Variants in DST observed in about 807,000 individuals in gnomAD.
The protein encoded by DST is dystonin.
In DST, 253 loss-of-function variants were observed where a neutral mutation model predicts 875.2. That is an observed-to-expected ratio of 0.29 (90% CI 0.26 to 0.32). The LOEUF is 0.32. DST is among the 10% of genes least tolerant of loss of function. DST has a pLI of 1.00. For synonymous variants in DST, 3,124 were observed against 3,197.1 expected (o/e 0.98, Z 0.77); for missense variants, 8,287 against 9,111.6 (o/e 0.91, Z 3.68).
chr6:56,476,183 A>G lies in DST; in HGVS notation c.21830T>C (p.Ile7277Thr), dbSNP rs2152409234. 1.9e-6 allele frequency: 3 copies of G among 1,612,276 alleles called. No individual in the cohort carries two copies. The highest frequency in any genetic ancestry group is 2.5e-6 in the Non-Finnish European group (3 of 1,179,210). ...TGCAATGAGTGCTTTCACCTCTTCG[A>G]TCTCCTGGGGGATGACTTCTTTATC... ...DKDKEVIPQE[I>T]EEVKALIAEH... is the part of the protein sequence containing the mutation. The change falls in exon 92 of 104, where the codon ATC (isoleucine) becomes ACC (threonine). Residue 7277 changes from isoleucine to threonine, a missense_variant. Ile to Thr is a moderately conservative substitution (Grantham distance 89, BLOSUM62 -1). Coordinates refer to ENST00000680361, the MANE Select transcript of DST (RefSeq NM_001374736.1).
chr6:56,737,520 T>C (rs78918164), intron 4 of DST, among the ~76,000 whole-genome samples: 1,859 of 152,354 alleles, frequency 0.012, 124 homozygotes, highest in Admixed American at 0.11. Flanking sequence ...CTAGTCACAA[T>C]TTAAGTGCTT....
intron 4 of DST, among the ~76,000 whole-genome samples, chr6:56,760,174 A>G (rs1409054970): frequency 2.0e-5 from 3 of 152,238 alleles, no homozygotes; most frequent in Non-Finnish European, 4.4e-5. Context: ...TCTAACTTTG[A>G]AATATGTACC....
intron 86 of DST, among the ~76,000 whole-genome samples, chr6:56,489,051 A>T (rs2095655683): frequency 6.6e-6 from 1 of 152,124 alleles, no homozygotes; most frequent in Non-Finnish European, 1.5e-5. Context: ...CAAGCATCCA[A>T]TTTTTCTCAC....
At chr6:56,481,617 A>T (rs1483678071) in intron 90 of DST, among the ~76,000 whole-genome samples, 1 of 152,220 alleles carries the variant, frequency 6.6e-6, no homozygotes, top group Non-Finnish European at 1.5e-5. Flanking sequence ...TTATTAAATT[A>T]CCTGTGTGTC....
chr6:56,887,351 T>G (rs1339422216), intron 3 of DST, among the ~76,000 whole-genome samples: 1 of 152,182 alleles, frequency 6.6e-6, no homozygotes, highest in Non-Finnish European at 1.5e-5. Context: ...GGCATGGGAT[T>G]TAGGGCAAAG....
intron 3 of DST, among the ~76,000 whole-genome samples, chr6:56,868,908 C>A (rs564765651): frequency 6.6e-6 from 1 of 152,274 alleles, no homozygotes; most frequent in Admixed American, 6.5e-5. Context: ...GAATTCTACC[C>A]TCTGTGGGAA....
chr6:56,562,097 CA>C (rs1479383937), intron 56 of DST, 40 bp downstream of exon 56: 2 of 1,292,958 alleles, frequency 1.5e-6, no homozygotes, highest in East Asian at 5.3e-5. Context: ...AAAAAAACAT[CA>C]AATTACATTA....
intron 85 of DST, among the ~76,000 whole-genome samples, chr6:56,490,687 G>A (rs1338777781): frequency 6.6e-6 from 1 of 152,124 alleles, no homozygotes; most frequent in African/African-American, 2.4e-5. Context: ...CAAAAACTGA[G>A]ATATTAGAAG....
At chr6:56,864,250 T>C (rs528730425) in intron 3 of DST, among the ~76,000 whole-genome samples, 18 of 152,314 alleles carry the variant, frequency 1.2e-4, no homozygotes, top group African/African-American at 4.1e-4. Flanking sequence ...CCTGAATTTC[T>C]AGCCTGCTGG....
intron 4 of DST, among the ~76,000 whole-genome samples, chr6:56,749,153 T>A (rs1490641429): frequency 6.6e-6 from 1 of 151,304 alleles, no homozygotes; most frequent in East Asian, 1.9e-4. Context: ...AGGTCAGGAG[T>A]TTAAGGCTGG....
rs747917821 is a variant in DST at position 56,607,457 on chromosome 6, G to A, written c.7171C>T (p.Gln2391Ter). 2 of 1,602,886 alleles carry A rather than the reference G, an allele frequency of 1.2e-6. No homozygotes were observed. Among genetic ancestry groups the A allele is most frequent in the Non-Finnish European group, 1.7e-6 (2 of 1,173,824 alleles). The change falls in exon 40 of 104, where the codon CAA (glutamine) becomes TAA (stop). Residue 2391 changes from glutamine (Q) to a stop codon, truncating the protein, a stop_gained. Coordinates refer to ENST00000680361, the MANE Select transcript of DST (RefSeq NM_001374736.1). LOFTEE classifies it high-confidence loss of function. ...ANECSHSKNI[Q>*]NFPSDLIENP... The stretch of plus-strand genomic sequence containing the variant: ...TCTATTAAATCACTTGGAAAGTTTT[G>A]AATGTTTTTAGAATGACTACATTCA...
intron 3 of DST, among the ~76,000 whole-genome samples, chr6:56,880,406 G>C (rs1781539649): frequency 6.6e-6 from 1 of 152,192 alleles, no homozygotes; most frequent in African/African-American, 2.4e-5. Context: ...CAGTATATTA[G>C]GCCAGGCGCA....
At chr6:56,828,068 C>T (rs1202836842) in intron 4 of DST, among the ~76,000 whole-genome samples, 2 of 152,176 alleles carry the variant, frequency 1.3e-5, no homozygotes, top group African/African-American at 4.8e-5. Flanking sequence ...ATCACATTCT[C>T]CTTTATTCAC....
intron 4 of DST, among the ~76,000 whole-genome samples, chr6:56,848,833 G>A (rs1053186510): frequency 1.2e-4 from 18 of 151,978 alleles, no homozygotes; most frequent in Admixed American, 3.3e-4. Context: ...TACGGAGTTC[G>A]AGACCAGCCT....
chr6:56,529,325 T>C (rs1444761264), intron 66 of DST, 123 bp downstream of exon 66: 1 of 823,520 alleles, frequency 1.2e-6, no homozygotes, highest in African/African-American at 1.7e-5. Context: ...GTATAAACAG[T>C]CTTTTTTTAA....
intron 49 of DST, among the ~76,000 whole-genome samples, chr6:56,589,795 C>A (rs1356360327): frequency 1.3e-5 from 2 of 152,228 alleles, no homozygotes; most frequent in Non-Finnish European, 2.9e-5. Context: ...ACACAGTTCA[C>A]AGTTCTTTGA....
intron 36 of DST, among the ~76,000 whole-genome samples, chr6:56,622,380 C>T (rs1374254215): frequency 6.6e-6 from 1 of 151,800 alleles, no homozygotes; most frequent in African/African-American, 2.4e-5. Flanking sequence ...ACCAGCTTGG[C>T]CAACATGGTG....
At chr6:56,865,261 CTG>C (rs35870270) in intron 3 of DST, among the ~76,000 whole-genome samples, 21,794 of 143,172 alleles carry the variant, frequency 0.15, 3,230 homozygotes, top group African/African-American at 0.38. Context: ...CCCTAGTTTT[CTG>C]TGTGTGTGTG....
At chr6:56,696,250 C>A (rs1370526773) in intron 9 of DST, among the ~76,000 whole-genome samples, 1 of 152,160 alleles carries the variant, frequency 6.6e-6, no homozygotes, top group African/African-American at 2.4e-5. Flanking sequence ...ACAACCTCTG[C>A]CTCCTGGGTT....
Sources: allele counts gnomAD v4.1 joint callset (sites outside exome capture counted in the v4.1 genomes callset), GRCh38; gene constraint gnomAD v4.1.1; transcripts MANE v1.5; gene names NCBI Gene and HGNC (gene_info 2026-07-23, HGNC 2026-07-21).